FHIT: variants seen among roughly 807,000 people sequenced by gnomAD.
The protein encoded by FHIT is bis(5'-adenosyl)-triphosphatase.
In FHIT, 19 loss-of-function variants were observed where a neutral mutation model predicts 17.9. That is an observed-to-expected ratio of 1.06 (90% confidence interval 0.74 to 1.56). FHIT has a LOEUF of 1.56. Among genes scored for constraint, FHIT ranks in the 40% most tolerant of loss-of-function variants. The probability of loss-of-function intolerance (pLI) is 0.00; values close to 1 mark genes in which losing one functional copy is unlikely to be tolerated. For synonymous variants in FHIT, 81 were observed against 69.7 expected (o/e 1.16, Z -0.81); for missense variants, 248 against 189.2 (o/e 1.31, Z -1.82).
intron 4 of FHIT, among the ~76,000 whole-genome samples, chr3:60,695,350 T>G (rs1418652550): frequency 3.9e-5 from 6 of 152,104 alleles, no homozygotes; most frequent in African/African-American, 1.4e-4. Context: ...GAGCCGAGAT[T>G]GTGCCACTGC....
intron 5 of FHIT, among the ~76,000 whole-genome samples, chr3:60,109,701 GA>G (rs770906499): frequency 3.3e-5 from 5 of 152,122 alleles, no homozygotes; most frequent in Non-Finnish European, 2.9e-5. Context: ...TTACCAAGAA[GA>G]AAAGGTGAAA....
chr3:60,440,196 C>T (rs1165073930), intron 5 of FHIT, among the ~76,000 whole-genome samples: 1 of 152,056 alleles, frequency 6.6e-6, no homozygotes, highest in Non-Finnish European at 1.5e-5. Context: ...GCCCTTGGTC[C>T]ACTTCTCTTC....
chr3:59,760,583 A>AATTG (rs934435348), intron 8 of FHIT, among the ~76,000 whole-genome samples: 6 of 151,726 alleles, frequency 4.0e-5, no homozygotes, highest in African/African-American at 1.5e-4. Context: ...AAATCACTGG[A>AATTG]ATTGATTAGA....
At chr3:60,895,068 G>A (rs758162420) in intron 3 of FHIT, among the ~76,000 whole-genome samples, 1 of 152,090 alleles carries the variant, frequency 6.6e-6, no homozygotes, top group African/African-American at 2.4e-5. Flanking sequence ...GTCTAGGATC[G>A]CACTGGCTTT....
At chr3:60,023,674 G>C (rs571636837) in intron 5 of FHIT, among the ~76,000 whole-genome samples, 3 of 152,154 alleles carry the variant, frequency 2.0e-5, no homozygotes, top group Non-Finnish European at 4.4e-5. Context: ...GAGAAAGGGA[G>C]AGAGGAGATT....
intron 5 of FHIT, among the ~76,000 whole-genome samples, chr3:60,470,058 T>TTCTTTCTCTCTCTCTCTCTCTCTC (rs1323971036): frequency 0.016 from 2,215 of 142,890 alleles, 68 homozygotes; most frequent in African/African-American, 0.054. Context: ...CTCTCTTTCT[T>TTCTTTCTCTCTCTCTCTCTCTCTC]TCTCTCTCTC....
chr3:60,052,788 A>T (rs1481468562), intron 5 of FHIT, among the ~76,000 whole-genome samples: 2 of 148,354 alleles, frequency 1.3e-5, no homozygotes, highest in African/African-American at 2.4e-5. Flanking sequence ...TATATAATAT[A>T]AATAGTATAT....
chr3:59,975,373 A>AC (rs1392061441), intron 7 of FHIT, among the ~76,000 whole-genome samples: 2 of 152,136 alleles, frequency 1.3e-5, no homozygotes, highest in African/African-American at 4.8e-5. Context: ...AGATGATAAA[A>AC]AGGACACTAC....
intron 5 of FHIT, among the ~76,000 whole-genome samples, chr3:60,077,729 C>CACACACACACACATATATAT (rs1559611496): frequency 3.0e-5 from 2 of 67,246 alleles, no homozygotes; most frequent in South Asian, 8.9e-4. Flanking sequence ...CACACACACA[C>CACACACACACACATATATAT]ATATATAGAG....
At chr3:60,011,214 T>A (rs1700123234) in intron 7 of FHIT, among the ~76,000 whole-genome samples, 157 bp downstream of exon 7, 1 of 152,198 alleles carries the variant, frequency 6.6e-6, no homozygotes, top group Non-Finnish European at 1.5e-5. Context: ...TTGGCAGAGT[T>A]TATAATGTCA....
intron 3 of FHIT, among the ~76,000 whole-genome samples, chr3:61,028,889 C>CA (rs79300754): frequency 0.036 from 4,190 of 116,654 alleles, 178 homozygotes; most frequent in African/African-American, 0.11. Flanking sequence ...CCCCCACCAA[C>CA]AAAAAAAAAA....
chr3:60,964,399 G>C (rs1709610761), intron 3 of FHIT, among the ~76,000 whole-genome samples: 1 of 152,072 alleles, frequency 6.6e-6, no homozygotes, highest in Admixed American at 6.5e-5. Flanking sequence ...TTGCCAGTCT[G>C]TGTCTTTTAA....
chr3:60,040,505 G>A (rs932001615), intron 5 of FHIT, among the ~76,000 whole-genome samples: 6 of 152,064 alleles, frequency 3.9e-5, no homozygotes, highest in Non-Finnish European at 7.4e-5. Context: ...AGTAGGGGGT[G>A]AAACAGAGCC....
At chr3:60,418,506 C>T (rs1454690247) in intron 5 of FHIT, among the ~76,000 whole-genome samples, 1 of 143,014 alleles carries the variant, frequency 7.0e-6, no homozygotes, top group East Asian at 2.0e-4. Flanking sequence ...GGTATTGAAC[C>T]TAACTCTTCC....
At chr3:61,096,306 T>C (rs911028937) in intron 2 of FHIT, among the ~76,000 whole-genome samples, 48 of 152,212 alleles carry the variant, frequency 3.2e-4, no homozygotes, top group African/African-American at 1.1e-3. Flanking sequence ...ACAAAGTTCC[T>C]GCCACAATTT....
At chr3:61,044,399 T>C (rs886504048) in intron 2 of FHIT, among the ~76,000 whole-genome samples, 3 of 151,862 alleles carry the variant, frequency 2.0e-5, no homozygotes, top group Non-Finnish European at 4.4e-5. Flanking sequence ...GAAGACCAAA[T>C]GAATGAAATG....
intron 7 of FHIT, among the ~76,000 whole-genome samples, chr3:59,968,903 G>T (rs964896729): frequency 4.1e-4 from 63 of 152,294 alleles, no homozygotes; most frequent in African/African-American, 1.5e-3. Context: ...GCCTGTGGCA[G>T]TGCAGGAAAG....
intron 4 of FHIT, among the ~76,000 whole-genome samples, chr3:60,633,738 A>C (rs927805067): frequency 6.6e-6 from 1 of 152,202 alleles, no homozygotes; most frequent in Non-Finnish European, 1.5e-5. Flanking sequence ...CCAGGAACAC[A>C]GTTAGGCAGC....
chr3:60,320,358 A>G (rs1709370049), intron 5 of FHIT, among the ~76,000 whole-genome samples: 1 of 152,188 alleles, frequency 6.6e-6, no homozygotes, highest in South Asian at 2.1e-4. Flanking sequence ...CAAGACAACA[A>G]CCTGAAAATC....
Sources: gnomAD v4.1 joint callset for allele counts (sites outside exome capture counted in the v4.1 genomes callset) on GRCh38, gnomAD v4.1.1 for gene constraint, MANE v1.5 for transcripts, NCBI Gene and HGNC (gene_info 2026-07-23, HGNC 2026-07-21) for gene names.